NR1D2: variants seen among roughly 807,000 people sequenced by gnomAD.
NR1D2 encodes V-erbA-related protein 1-related.
NR1D2 carries 25 observed loss-of-function variants against 52.2 expected under a neutral mutation model. The ratio of observed to expected loss-of-function variants is 0.48; its 90% CI spans 0.35 to 0.67. The LOEUF (loss-of-function observed/expected upper bound fraction) is 0.67. Ranked by LOEUF, NR1D2 falls within the 30% of genes least tolerant of loss-of-function variation. NR1D2 has a pLI of 0.01. For missense variants in NR1D2, 681 were observed against 707.2 expected, an observed-to-expected ratio of 0.96 and a Z score of 0.42; for synonymous variants, 259 against 230.1, an observed-to-expected ratio of 1.13 and a Z score of -1.14.
rs1706823266 is a variant in NR1D2 at position 23,979,618 on chromosome 3, AAATT to A, written c.*2200_*2203del. On this transcript the variant is annotated 3_prime_UTR_variant, in exon 8 of 8. Transcript: ENST00000312521. ...TTGTCTTGTAAAATTTTATTTGAATAAATTCTTCCTGTAGGTAATGGGAAACAAA... is the reference window on the plus strand; with the variant it reads ...TTGTCTTGTAAAATTTTATTTGAATACTTCCTGTAGGTAATGGGAAACAAA... 1 of 152,122 alleles carries A rather than the reference AAATT, an allele frequency of 6.6e-6. No homozygotes were observed. The highest frequency in any genetic ancestry group is 2.4e-5 in the African/African-American group (1 of 41,466). The allele number at this position is 152,122 out of a possible 1,614,324, so 9.4% of individuals were successfully genotyped here. A position where few individuals can be genotyped will look rare whatever the true frequency, so the allele number is the denominator to read the frequency against.
chr3:23,963,884 T>C (rs1383204267), intron 5 of NR1D2, among the ~76,000 whole-genome samples: 2 of 151,764 alleles, frequency 1.3e-5, no homozygotes, highest in Non-Finnish European at 2.9e-5. Flanking sequence ...ATTTTACTAA[T>C]AGAATATACA....
Position 23,962,277 on chromosome 3 carries a change from A to G in NR1D2, c.818A>G (p.Glu273Gly), listed in dbSNP as rs148998610. The G allele has an allele frequency of 6.9e-5, 111 of 1,614,128 alleles. No individual in the cohort carries two copies. Among genetic ancestry groups the G allele is most frequent in the South Asian group, 5.4e-4 (49 of 91,092 alleles). Residue 273 changes from glutamate (E) to glycine (G), a missense_variant, in exon 5 of 8, where the codon GAA (glutamate) becomes GGA (glycine). By Grantham distance (98) the Glu-to-Gly change is moderately conservative (BLOSUM62 -2). Transcript: ENST00000312521. The stretch of plus-strand genomic sequence containing the variant: ...TTTATGTATAATCAAGAGCAGCAAG[A>G]AAACTCAGCTGAGAGCATGCAGCCC... ...DTFMYNQEQQENSAESMQPQR... is the reference protein window; with the variant it reads ...DTFMYNQEQQGNSAESMQPQR...
intron 5 of NR1D2, among the ~76,000 whole-genome samples, chr3:23,963,631 G>C (rs1706357368): frequency 6.6e-6 from 1 of 152,032 alleles, no homozygotes; most frequent in Non-Finnish European, 1.5e-5. Context: ...TGTATTTTCA[G>C]TAGAGACAGG....
chr3:23,957,795 A>G (rs1039891549), intron 3 of NR1D2, among the ~76,000 whole-genome samples: 10 of 152,170 alleles, frequency 6.6e-5, no homozygotes, highest in African/African-American at 2.2e-4. Flanking sequence ...TAAAAGCACA[A>G]ACTGAATGAG....
At chr3:23,974,574 C>T (rs1253754265) in intron 7 of NR1D2, among the ~76,000 whole-genome samples, 4 of 151,932 alleles carry the variant, frequency 2.6e-5, no homozygotes, top group Non-Finnish European at 5.9e-5. Context: ...AGAACAGTAA[C>T]CAGTACATAT....
rs368873193 is a variant in NR1D2, at chr3:23,965,051, G to A, written c.1221G>A (p.Met407Ile). 1 of 1,613,820 alleles carries A rather than the reference G, an allele frequency of 6.2e-7. No individual in the cohort carries two copies. Reference sequence around the variant, plus strand: ...ATGAAATCTGGGAAGAATTTTCGATGAGCTTCACTCCAGCAGTGAAAGAAG... The same window carrying A: ...ATGAAATCTGGGAAGAATTTTCGATAAGCTTCACTCCAGCAGTGAAAGAAG... The part of the protein sequence containing the change: ...SGHEIWEEFS[M>I]SFTPAVKEVV... Residue 407 changes from methionine to isoleucine, a missense_variant, in exon 6 of 8, where the codon ATG (methionine) becomes ATA (isoleucine). Transcript: ENST00000312521.
intron 3 of NR1D2, 53 bp from the exon 4 acceptor site, chr3:23,959,618 G>A: frequency 6.4e-7 from 1 of 1,565,068 alleles, no homozygotes; most frequent in Non-Finnish European, 8.7e-7. Flanking sequence ...GTGTTTATAA[G>A]AAGTTCATTT....
Position 23,977,941 on chromosome 3 carries a change from C to G in NR1D2, c.*522C>G, listed in dbSNP as rs746323705. 2 of 152,072 alleles carry G rather than the reference C, an allele frequency of 1.3e-5. No homozygotes were observed. The highest frequency in any genetic ancestry group is 4.8e-5 in the African/African-American group (2 of 41,394). The allele number at this position is 152,072 out of a possible 1,614,324, so 9.4% of individuals were successfully genotyped here. On this transcript the variant is annotated 3_prime_UTR_variant, in exon 8 of 8. Transcript: ENST00000312521. ...TGGTCCTGGGTAGTTTACTTGCTTG[C>G]GGAAAATGAGAATTGATGGTGTCCC...
chr3:23,977,026 A>G (rs561168352), intron 7 of NR1D2, among the ~76,000 whole-genome samples, 197 bp from the exon 8 acceptor site: 13 of 152,232 alleles, frequency 8.5e-5, no homozygotes, highest in Non-Finnish European at 1.8e-4. Context: ...TATGTGATAT[A>G]TATGCTTTAT....
chr3:23,962,685 C>A, intron 5 of NR1D2, 80 bp downstream of exon 5: 6 of 1,346,164 alleles, frequency 4.5e-6, no homozygotes, highest in Non-Finnish European at 6.1e-6. Flanking sequence ...GATATGCTAA[C>A]TTGGGGGGAT....
chr3:23,946,159 C>T (rs1474941256), intron 1 of NR1D2: 2 of 985,008 alleles, frequency 2.0e-6, no homozygotes, highest in Non-Finnish European at 2.4e-6. Context: ...CGGAGGAGGC[C>T]GCGCGTGCGC....
chr3:23,952,253 C>G (rs965514130), intron 1 of NR1D2, among the ~76,000 whole-genome samples: 2 of 152,144 alleles, frequency 1.3e-5, no homozygotes, highest in Non-Finnish European at 2.9e-5. Context: ...AGCAAGAGAG[C>G]ATATGGACAG....
chr3:23,968,388 G>C (rs1290665849), intron 7 of NR1D2, among the ~76,000 whole-genome samples: 1 of 152,206 alleles, frequency 6.6e-6, no homozygotes, highest in African/African-American at 2.4e-5. Flanking sequence ...AATACAATGT[G>C]GGTTACTTGA....
At chr3:23,957,408 T>C (rs1242917520) in intron 3 of NR1D2, among the ~76,000 whole-genome samples, 1 of 146,510 alleles carries the variant, frequency 6.8e-6, no homozygotes, top group Admixed American at 6.8e-5. Context: ...TTTTTTTTTT[T>C]TTTTTTTACA....
At chr3:23,956,147 T>G in intron 3 of NR1D2, 22 bp downstream of exon 3, 1 of 1,574,610 alleles carries the variant, frequency 6.4e-7, no homozygotes, top group African/African-American at 1.3e-5. Context: ...TTTTGTTTCT[T>G]TAAGCTACTG....
chr3:23,965,345 T>A (rs981503953), intron 6 of NR1D2, among the ~76,000 whole-genome samples, 183 bp downstream of exon 6: 1 of 150,644 alleles, frequency 6.6e-6, no homozygotes, highest in Non-Finnish European at 1.5e-5. Flanking sequence ...GTTCAAGCAT[T>A]CTCCAGCTTC....
chr3:23,958,742 G>A (rs1706153037), intron 3 of NR1D2, among the ~76,000 whole-genome samples: 1 of 151,446 alleles, frequency 6.6e-6, no homozygotes. Context: ...GAGGTCAGGA[G>A]TTCAAAACCA....
At chr3:23,951,448 A>G (rs542585029) in intron 1 of NR1D2, among the ~76,000 whole-genome samples, 1 of 152,356 alleles carries the variant, frequency 6.6e-6, no homozygotes, top group East Asian at 1.9e-4. Flanking sequence ...TTGTCTTTGT[A>G]AAGTGTCCTA....
chr3:23,962,103 A>T lies in NR1D2; in HGVS notation c.644A>T (p.His215Leu), dbSNP rs1706263698. Reference protein sequence around the residue: ...GHLQNDTLVEHHEQTALPAQE... With the variant: ...GHLQNDTLVELHEQTALPAQE... ...TTGCAAAATGACACATTAGTAGAAC[A>T]TCATGAACAGACAGCCTTGCCAGCC... The change falls in exon 5 of 8, where the codon CAT becomes CTT. Residue 215 changes from histidine (H) to leucine (L), a missense_variant. This residue lies in a region of NR1D2 where 475 missense variants were observed against 454.5 expected (regional missense o/e 1.05). Coordinates refer to ENST00000312521, the MANE Select transcript of NR1D2 (RefSeq NM_005126.5). 1 of 1,614,228 alleles carries T rather than the reference A, an allele frequency of 6.2e-7. No individual in the cohort carries two copies. Among genetic ancestry groups the T allele is most frequent in the Non-Finnish European group, 8.5e-7 (1 of 1,180,034 alleles).
Sources: allele counts gnomAD v4.1 joint callset (sites outside exome capture counted in the v4.1 genomes callset), GRCh38; gene constraint gnomAD v4.1.1; regional missense constraint gnomAD v4.1.1; transcripts MANE v1.5; gene names NCBI Gene and HGNC (gene_info 2026-07-23, HGNC 2026-07-21).